Variants in LOXL2 observed in about 807,000 individuals in gnomAD.
The protein encoded by LOXL2 is lysyl oxidase like 2.
A neutral mutation model predicts 93.0 loss-of-function variants in LOXL2; 70 were observed. The observed-to-expected ratio is 0.75, with a 90% CI of 0.62 to 0.92. The LOEUF (loss-of-function observed/expected upper bound fraction) is 0.92, where lower values mean the gene tolerates loss of function less well. Ranked by LOEUF, LOXL2 falls within the 40% of genes least tolerant of loss-of-function variation. LOXL2 has a pLI of 0.00. For missense variants in LOXL2, 973 were observed against 1,054.9 expected, an observed-to-expected ratio of 0.92 and a Z score of 1.08; for synonymous variants, 438 against 413.2, an observed-to-expected ratio of 1.06 and a Z score of -0.73.
chr8:23,365,215 T>C (rs1024292208), intron 2 of LOXL2: 6 of 152,348 alleles, frequency 3.9e-5, no homozygotes, highest in African/African-American at 1.4e-4. Context: ...GGCAGTCTTA[T>C]CCACGGTCTG....
intron 12 of LOXL2, among the ~76,000 whole-genome samples, chr8:23,301,131 A>G (rs1250723944): frequency 6.6e-6 from 1 of 152,238 alleles, no homozygotes; most frequent in African/African-American, 2.4e-5. Context: ...ATGCCCCCTC[A>G]GGAAAGCTTT....
intron 13 of LOXL2, 42 bp from the exon 14 acceptor site, chr8:23,298,164 T>C (rs1323475570): frequency 6.7e-7 from 1 of 1,500,412 alleles, no homozygotes; most frequent in East Asian, 2.3e-5. Context: ...ACAAATGAGA[T>C]GCTCGGGCCT....
intron 1 of LOXL2, among the ~76,000 whole-genome samples, chr8:23,393,454 G>T (rs1021711456): frequency 2.6e-5 from 4 of 152,208 alleles, no homozygotes; most frequent in African/African-American, 9.6e-5. Context: ...AATGGGGAAA[G>T]AATTGTCTTC....
At chr8:23,305,718 GGA>G (rs1803219490) in intron 10 of LOXL2, among the ~76,000 whole-genome samples, 1 of 152,146 alleles carries the variant, frequency 6.6e-6, no homozygotes, top group South Asian at 2.1e-4. Flanking sequence ...AACGCTAAGG[GGA>G]GAGAGAGCCT....
rs375518259 is a variant in LOXL2, at chr8:23,299,716, C to T, written c.2134-769G>A. 1.4e-4 allele frequency among the ~76,000 whole-genome samples: 22 copies of T among 152,270 alleles called. No individual in the cohort carries two copies. The East Asian group carries it at 2.1e-3, about 15-fold the overall frequency. ...AGGACACAGATGACAGGCCTTCCCT[C>T]GAGGGTCCTGCCACATTTGGAAGGG... On this transcript the variant is annotated intron_variant, in intron 12 of 13. Transcript: ENST00000389131.
intron 3 of LOXL2, among the ~76,000 whole-genome samples, chr8:23,349,798 C>T (rs974312608): frequency 6.6e-6 from 1 of 151,808 alleles, no homozygotes; most frequent in Non-Finnish European, 1.5e-5. Context: ...TGTTTGAGGA[C>T]CCACTATAGC....
chr8:23,394,239 A>C (rs1421328751), intron 1 of LOXL2, among the ~76,000 whole-genome samples: 16 of 151,998 alleles, frequency 1.1e-4, no homozygotes, highest in Admixed American at 6.6e-4. Context: ...CTAAAGATAC[A>C]AAAATTAGTC....
intron 10 of LOXL2, 45 bp downstream of exon 10, chr8:23,309,623 T>A: frequency 7.3e-7 from 1 of 1,372,288 alleles, no homozygotes; most frequent in Non-Finnish European, 9.5e-7. Context: ...GCCTGCAGGA[T>A]GTCCGCCGGG....
At chr8:23,320,327 A>T (rs1327679569) in intron 7 of LOXL2, among the ~76,000 whole-genome samples, 1 of 152,186 alleles carries the variant, frequency 6.6e-6, no homozygotes, top group African/African-American at 2.4e-5. Flanking sequence ...CCATGAGCCT[A>T]TCAGTGGGGG....
intron 1 of LOXL2, among the ~76,000 whole-genome samples, chr8:23,375,162 A>G (rs1424979400): frequency 1.3e-5 from 2 of 152,136 alleles, no homozygotes; most frequent in African/African-American, 2.4e-5. Flanking sequence ...CTTTCTACAT[A>G]TGGCTAGCCA....
chr8:23,328,708 G>GCTGTGTGTGTGTGT, intron 5 of LOXL2, 143 bp from the exon 6 acceptor site: 2 of 422,720 alleles, frequency 4.7e-6, no homozygotes, highest in Non-Finnish European at 8.4e-6. Flanking sequence ...TTGATGTATG[G>GCTGTGTGTGTGTGT]ATGTGTGTGT....
chr8:23,380,111 T>C (rs1269105468), intron 1 of LOXL2, among the ~76,000 whole-genome samples: 1 of 152,164 alleles, frequency 6.6e-6, no homozygotes, highest in African/African-American at 2.4e-5. Context: ...AAAGACATCT[T>C]AGGCCAGGCG....
intron 9 of LOXL2, among the ~76,000 whole-genome samples, chr8:23,314,868 C>G (rs1307464139): frequency 6.6e-6 from 1 of 150,384 alleles, no homozygotes; most frequent in African/African-American, 2.5e-5. Context: ...AGGAGAAAAA[C>G]AACAACAAAA....
intron 1 of LOXL2, among the ~76,000 whole-genome samples, chr8:23,388,401 G>T (rs1443248800): frequency 6.6e-6 from 1 of 152,076 alleles, no homozygotes; most frequent in African/African-American, 2.4e-5. Flanking sequence ...AACATAGGGA[G>T]ATCCTGTCTC....
At chr8:23,306,515 CA>C (rs1313169980) in intron 10 of LOXL2, among the ~76,000 whole-genome samples, 1 of 152,236 alleles carries the variant, frequency 6.6e-6, no homozygotes, top group African/African-American at 2.4e-5. Context: ...TTGGCAGGAG[CA>C]AGCCCCACAG....
At chr8:23,340,296 T>C (rs1803861175) in intron 4 of LOXL2, among the ~76,000 whole-genome samples, 1 of 152,192 alleles carries the variant, frequency 6.6e-6, no homozygotes. Flanking sequence ...CTATCATTAT[T>C]AAGAGGAGGG....
chr8:23,374,409 T>C (rs1283342062), intron 1 of LOXL2, among the ~76,000 whole-genome samples: 1 of 152,140 alleles, frequency 6.6e-6, no homozygotes, highest in Non-Finnish European at 1.5e-5. Flanking sequence ...GCAATAAACA[T>C]ATGTGTGCAT....
chr8:23,375,103 A>C (rs1804566484), intron 1 of LOXL2, among the ~76,000 whole-genome samples: 1 of 152,108 alleles, frequency 6.6e-6, no homozygotes, highest in South Asian at 2.1e-4. Flanking sequence ...TCTTTAATCC[A>C]TCTTGAATTA....
chr8:23,383,456 C>G (rs1011196737), intron 1 of LOXL2, among the ~76,000 whole-genome samples: 2 of 152,140 alleles, frequency 1.3e-5, no homozygotes, highest in Non-Finnish European at 2.9e-5. Context: ...GTGCTTCATA[C>G]TTAGTAAATA....
Sources: gnomAD v4.1 joint callset for allele counts (sites outside exome capture counted in the v4.1 genomes callset) on GRCh38, gnomAD v4.1.1 for gene constraint, MANE v1.5 for transcripts, NCBI Gene and HGNC (gene_info 2026-07-23, HGNC 2026-07-21) for gene names.